The following SEC11A variants were observed in gnomAD, a reference collection of about 807,000 sequenced individuals.
SEC11A encodes the protein SEC11 homolog A, signal peptidase complex subunit.
In SEC11A, 14 loss-of-function variants were observed where a neutral mutation model predicts 25.6. That is an observed-to-expected ratio of 0.55 (90% CI 0.36 to 0.85). The LOEUF (loss-of-function observed/expected upper bound fraction) is 0.85. Among genes scored for constraint, SEC11A ranks in the 40% least tolerant of loss-of-function variants. SEC11A has a pLI of 0.01. For synonymous variants in SEC11A, 83 were observed against 76.4 expected, an observed-to-expected ratio of 1.09 and a Z score of -0.45; for missense variants, 153 against 222.9, an observed-to-expected ratio of 0.69 and a Z score of 2.00.
chr15:84,703,778 A>G (rs1015197044), intron 1 of SEC11A, among the ~76,000 whole-genome samples: 1 of 152,210 alleles, frequency 6.6e-6, no homozygotes. Context: ...AAGTCTGAGG[A>G]AGAGATATGT....
intron 3 of SEC11A, among the ~76,000 whole-genome samples, chr15:84,682,070 A>G (rs954053361): frequency 2.0e-5 from 3 of 152,130 alleles, no homozygotes; most frequent in African/African-American, 7.2e-5. Context: ...AATAACAAAT[A>G]ATAATAACAG....
In SEC11A at chr15:84,678,788, T is replaced by C. The variant is rs146172370; in HGVS notation, c.431+1925A>G. 2.0e-5 allele frequency among the ~76,000 whole-genome samples: 3 copies of C among 151,632 alleles called. No homozygotes were observed. The East Asian group carries it at 5.8e-4, about 30-fold the overall frequency. On this transcript the variant is annotated intron_variant, in intron 4 of 5. Transcript: ENST00000268220. ...CAGGTGGATCATTTGAAGCTGGGAG[T>C]TTGAGACCAGCCTGGGCAACATATC...
At chr15:84,710,303 T>C (rs1172489249) in intron 1 of SEC11A, among the ~76,000 whole-genome samples, 1 of 152,218 alleles carries the variant, frequency 6.6e-6, no homozygotes, top group African/African-American at 2.4e-5. Context: ...TATTTTAAGA[T>C]GTTTAACTTT....
chr15:84,669,851 G>T lies in SEC11A; in HGVS notation c.*168C>A. 2 of 1,265,692 alleles carry T rather than the reference G, an allele frequency of 1.6e-6. No individual in the cohort carries two copies. Among genetic ancestry groups the T allele is most frequent in the Non-Finnish European group, 2.2e-6 (2 of 906,970 alleles). The allele number at this position is 1,265,692 out of a possible 1,614,324, so 78.4% of individuals were successfully genotyped here. A position where few individuals can be genotyped will look rare whatever the true frequency, so the allele number is the denominator to read the frequency against. On this transcript the variant is annotated 3_prime_UTR_variant, in exon 6 of 6. Transcript: ENST00000268220. Reference sequence around the variant, plus strand: ...CGAGTGCACTCTGTGGTGCACATGCGCCCGCCCACACAAACTCTGGCATGG... The same window carrying T: ...CGAGTGCACTCTGTGGTGCACATGCTCCCGCCCACACAAACTCTGGCATGG...
chr15:84,706,432 G>A (rs1022585573), intron 1 of SEC11A, among the ~76,000 whole-genome samples: 2 of 152,030 alleles, frequency 1.3e-5, no homozygotes, highest in Non-Finnish European at 2.9e-5. Context: ...TGGAATATAG[G>A]GGATCTCTGG....
intron 4 of SEC11A, among the ~76,000 whole-genome samples, chr15:84,675,043 G>C (rs1897100220): frequency 6.6e-6 from 1 of 152,168 alleles, no homozygotes; most frequent in African/African-American, 2.4e-5. Context: ...GATAAGCAAA[G>C]AGCTGATAAT....
intron 2 of SEC11A, among the ~76,000 whole-genome samples, chr15:84,689,659 G>C (rs1001862958): frequency 6.7e-6 from 1 of 148,432 alleles, no homozygotes; most frequent in Non-Finnish European, 1.5e-5. Flanking sequence ...CCAGGCTGGA[G>C]TGCAATGGAG....
At chr15:84,709,169 A>G (rs1365359918) in intron 1 of SEC11A, among the ~76,000 whole-genome samples, 1 of 152,034 alleles carries the variant, frequency 6.6e-6, no homozygotes, top group Non-Finnish European at 1.5e-5. Context: ...TTGGCATAAC[A>G]TACTTATTTT....
chr15:84,688,082 GACAA>G (rs1343756540), intron 2 of SEC11A, among the ~76,000 whole-genome samples: 4 of 152,106 alleles, frequency 2.6e-5, no homozygotes, highest in East Asian at 3.8e-4. Context: ...AATTTCAAAT[GACAA>G]ACAGAATATA....
At chr15:84,687,513 A>G (rs938658269) in intron 3 of SEC11A, 112 bp downstream of exon 3, 26 of 745,468 alleles carry the variant, frequency 3.5e-5, no homozygotes, top group East Asian at 3.0e-4. Flanking sequence ...ATGGACTGGA[A>G]GAAGGCCTAG....
At position 84,680,812 on chromosome 15, in the gene SEC11A, AACTT is replaced by A; in HGVS notation, c.328_331del (p.Lys110PhefsTer2). 6.2e-7 allele frequency: 1 copy of A among 1,609,850 alleles called. No homozygotes were observed. Among genetic ancestry groups the A allele is most frequent in the Non-Finnish European group, 8.5e-7 (1 of 1,177,304 alleles). On this transcript the variant is annotated frameshift_variant, in exon 4 of 6. Transcript: ENST00000268220. LOFTEE classifies it high-confidence loss of function. ...CGCATTATTATCTCCTTTGGTCAAA[AACTT>A]GATATGCCCATTTTGCCTTAAAAGA...
chr15:84,712,703 T>A (rs1898319599), intron 1 of SEC11A, among the ~76,000 whole-genome samples: 1 of 151,966 alleles, frequency 6.6e-6, no homozygotes, highest in African/African-American at 2.4e-5. Context: ...CTGCTCGGCC[T>A]CCCAAAGTGC....
In SEC11A at chr15:84,699,833, T is replaced by C. The variant is rs144242860; in HGVS notation, c.52-8189A>G. Among the ~76,000 whole-genome samples the C allele has an allele frequency of 4.0e-3, 611 of 151,906 alleles. 12 individuals are homozygous for C. Among genetic ancestry groups the C allele is most frequent in the African/African-American group, 0.014 (581 of 41,264 alleles). Reference sequence around the variant, plus strand: ...TGGGAGTTCAGGGAGGCAAAAGCAATGATCAGTGCATGCATGTGAGGGGAC... The same window carrying C: ...TGGGAGTTCAGGGAGGCAAAAGCAACGATCAGTGCATGCATGTGAGGGGAC... On this transcript the variant is annotated intron_variant, in intron 1 of 5. Coordinates refer to ENST00000268220, the MANE Select transcript of SEC11A (RefSeq NM_014300.4).
intron 4 of SEC11A, 113 bp downstream of exon 4, chr15:84,680,600 G>T: frequency 8.9e-7 from 1 of 1,127,900 alleles, no homozygotes; most frequent in Non-Finnish European, 1.2e-6. Flanking sequence ...AGGGTGATTT[G>T]GTGGAACCAG....
chr15:84,695,703 C>T (rs980711051), intron 1 of SEC11A, among the ~76,000 whole-genome samples: 1 of 151,568 alleles, frequency 6.6e-6, no homozygotes, highest in Non-Finnish European at 1.5e-5. Context: ...TACAATTAAC[C>T]TGTTTTTCCT....
intron 1 of SEC11A, among the ~76,000 whole-genome samples, chr15:84,708,428 T>C (rs549461829): frequency 2.6e-5 from 4 of 152,064 alleles, no homozygotes; most frequent in African/African-American, 7.2e-5. Context: ...TCAAAAAAAG[T>C]AGTGGCTTTA....
At chr15:84,704,344 A>G (rs536071568) in intron 1 of SEC11A, among the ~76,000 whole-genome samples, 2 of 152,276 alleles carry the variant, frequency 1.3e-5, no homozygotes, top group South Asian at 4.1e-4. Flanking sequence ...GGAATTCACT[A>G]GTCTTACTAT....
At chr15:84,702,082 A>G in intron 1 of SEC11A, among the ~76,000 whole-genome samples, 1 of 151,854 alleles carries the variant, frequency 6.6e-6, no homozygotes. Context: ...AATGATAATA[A>G]TAATAATAAT....
chr15:84,712,528 A>G (rs1168287376), intron 1 of SEC11A, among the ~76,000 whole-genome samples: 1 of 150,472 alleles, frequency 6.6e-6, no homozygotes, highest in African/African-American at 2.5e-5. Flanking sequence ...GCTCACTGCA[A>G]CCTCTGCCTC....
Sources: gnomAD v4.1 joint callset for allele counts (sites outside exome capture counted in the v4.1 genomes callset) on GRCh38, gnomAD v4.1.1 for gene constraint, MANE v1.5 for transcripts, NCBI Gene and HGNC (gene_info 2026-07-23, HGNC 2026-07-21) for gene names.